The following RNF220 variants were observed in gnomAD, a reference collection of about 807,000 sequenced individuals.
The protein encoded by RNF220 is ring finger protein 220, also known as E3 ubiquitin-protein ligase RNF220.
RNF220 carries 7 observed loss-of-function variants against 67.1 expected under a neutral mutation model. The ratio of observed to expected loss-of-function variants is 0.10; its 90% CI spans 0.06 to 0.20. RNF220 has a LOEUF of 0.20. Ranked by LOEUF, RNF220 falls within the 10% of genes least tolerant of loss-of-function variation. The pLI is 1.00. For synonymous variants in RNF220, 270 were observed against 283.2 expected (o/e 0.95, Z 0.47); for missense variants, 565 against 740.3 (o/e 0.76, Z 2.75).
intron 9 of RNF220, 64 bp from the exon 10 acceptor site, chr1:44,644,923 ATGCTCTCC>A: frequency 1.3e-6 from 2 of 1,562,048 alleles, no homozygotes; most frequent in Non-Finnish European, 1.8e-6. Flanking sequence ...CAGGAGGGCC[ATGCTCTCC>A]TGAGGATTCA....
intron 2 of RNF220, among the ~76,000 whole-genome samples, chr1:44,413,261 A>G (rs1417289233): frequency 6.6e-6 from 1 of 152,158 alleles, no homozygotes; most frequent in Non-Finnish European, 1.5e-5. Context: ...CAATCACCAT[A>G]AAGCATTTCA....
At chr1:44,646,041 A>G (rs6698388) in intron 12 of RNF220, among the ~76,000 whole-genome samples, 1 of 152,204 alleles carries the variant, frequency 6.6e-6, no homozygotes, top group Non-Finnish European at 1.5e-5. Context: ...TCAGCTGGGC[A>G]TCTTCCTGCC....
chr1:44,534,375 C>A (rs2148200203), intron 2 of RNF220, among the ~76,000 whole-genome samples: 1 of 151,728 alleles, frequency 6.6e-6, no homozygotes, highest in South Asian at 2.1e-4. Context: ...GCACAGTGTG[C>A]AGGTTTGTTA....
intron 2 of RNF220, among the ~76,000 whole-genome samples, chr1:44,574,816 T>C (rs965887918): frequency 2.2e-5 from 3 of 136,412 alleles, no homozygotes; most frequent in African/African-American, 8.3e-5. Context: ...CCCTATGGGA[T>C]TGTTGCTTTT....
chr1:44,635,386 A>T (rs1041918534), intron 6 of RNF220, 159 bp from the exon 7 acceptor site: 1 of 1,156,332 alleles, frequency 8.6e-7, no homozygotes, highest in African/African-American at 1.6e-5. Flanking sequence ...CCCAGTCCCC[A>T]AAGGAGCAGG....
Position 44,600,180 on chromosome 1 carries a change from G to A in RNF220, c.626-13985G>A, listed in dbSNP as rs1231886394. On this transcript the variant is annotated intron_variant, in intron 2 of 14. Coordinates refer to ENST00000361799, the MANE Select transcript of RNF220 (RefSeq NM_018150.4). The surrounding 1 kb of genome is among the most constrained non-coding windows in gnomAD (Gnocchi z 4.0). Reference sequence around the variant, plus strand: ...TGAAACCAAAAGCAGGAGGAGGGCAGGTCTAGAGGAAGGTAAGTCCCATCT... The same window carrying A: ...TGAAACCAAAAGCAGGAGGAGGGCAAGTCTAGAGGAAGGTAAGTCCCATCT... 6.6e-6 allele frequency among the ~76,000 whole-genome samples: 1 copy of A among 152,178 alleles called. No homozygotes were observed. The highest frequency in any genetic ancestry group is 1.5e-5 in the Non-Finnish European group (1 of 68,034).
intron 2 of RNF220, among the ~76,000 whole-genome samples, chr1:44,434,923 A>C (rs928298068): frequency 4.6e-5 from 7 of 151,298 alleles, no homozygotes; most frequent in African/African-American, 1.7e-4. Flanking sequence ...GCTACTCAGG[A>C]GGCTGAGTGG....
At chr1:44,499,601 T>A (rs1048820435) in intron 2 of RNF220, among the ~76,000 whole-genome samples, 1 of 152,126 alleles carries the variant, frequency 6.6e-6, no homozygotes, top group Non-Finnish European at 1.5e-5. Context: ...TACCCTTGAC[T>A]TAGTCCTCAG....
chr1:44,580,854 G>A (rs946945197), intron 2 of RNF220, among the ~76,000 whole-genome samples: 1 of 152,244 alleles, frequency 6.6e-6, no homozygotes, highest in African/African-American at 2.4e-5. Context: ...AGCTTCTCCA[G>A]GAGACTGAGG....
At position 44,645,534 on chromosome 1, in the gene RNF220, G is replaced by C; in HGVS notation, c.1445+46G>C. Reference sequence around the variant, plus strand: ...GAGCCCTGGGACCACAGTTCAGTGGGAGGAGGGGCCCTTTGCTAGCAGGAA... The same window carrying C: ...GAGCCCTGGGACCACAGTTCAGTGGCAGGAGGGGCCCTTTGCTAGCAGGAA... On this transcript the variant is annotated intron_variant, in intron 12 of 14. Transcript: ENST00000361799. This position sits in a 1 kb window ranked among gnomAD's most constrained non-coding sequence, Gnocchi z 5.0. 2 of 1,585,856 alleles carry C rather than the reference G, an allele frequency of 1.3e-6. No homozygotes were observed. Among genetic ancestry groups the C allele is most frequent in the Non-Finnish European group, 1.7e-6 (2 of 1,157,716 alleles).
chr1:44,465,861 A>C (rs1215379184), intron 2 of RNF220, among the ~76,000 whole-genome samples: 1 of 152,218 alleles, frequency 6.6e-6, no homozygotes, highest in East Asian at 1.9e-4. Flanking sequence ...CTGAGCCTTC[A>C]GCAAATCATA....
At chr1:44,438,590 G>T (rs1200205885) in intron 2 of RNF220, among the ~76,000 whole-genome samples, 2 of 152,164 alleles carry the variant, frequency 1.3e-5, no homozygotes, top group Non-Finnish European at 2.9e-5. Context: ...GTAAGGTCTA[G>T]GCTCCCATTG....
intron 2 of RNF220, among the ~76,000 whole-genome samples, chr1:44,485,982 G>A (rs1347217939): frequency 6.6e-6 from 1 of 152,184 alleles, no homozygotes; most frequent in African/African-American, 2.4e-5. Flanking sequence ...TTGCCCCTCT[G>A]TAAAACCTGA....
At chr1:44,509,302 G>A (rs1164788575) in intron 2 of RNF220, among the ~76,000 whole-genome samples, 1 of 152,128 alleles carries the variant, frequency 6.6e-6, no homozygotes, top group East Asian at 1.9e-4. Context: ...TGTAATCCCA[G>A]CACTTTGGGA....
At chr1:44,598,381 G>C (rs1666684323) in intron 2 of RNF220, among the ~76,000 whole-genome samples, 1 of 152,218 alleles carries the variant, frequency 6.6e-6, no homozygotes, top group Non-Finnish European at 1.5e-5. Flanking sequence ...TGATTTAGGG[G>C]CTCAGGACGG....
In RNF220 at chr1:44,606,049, C is replaced by T. The variant is rs543810304; in HGVS notation, c.626-8116C>T. ...CCTCAACCAGGGATGCCTATTAATCCTGACAAATGATGACTTACGAACATG... is the reference window on the plus strand; with the variant it reads ...CCTCAACCAGGGATGCCTATTAATCTTGACAAATGATGACTTACGAACATG... On this transcript the variant is annotated intron_variant, in intron 2 of 14. Coordinates refer to ENST00000361799, the MANE Select transcript of RNF220 (RefSeq NM_018150.4). This position sits in a 1 kb window ranked among gnomAD's most constrained non-coding sequence, Gnocchi z 4.2. 2.0e-5 allele frequency among the ~76,000 whole-genome samples: 3 copies of T among 152,328 alleles called. No individual in the cohort carries two copies. The South Asian group carries it at 6.2e-4, about 32-fold the overall frequency.
At chr1:44,640,334 T>C (rs1465443299) in intron 8 of RNF220, among the ~76,000 whole-genome samples, 2 of 152,156 alleles carry the variant, frequency 1.3e-5, no homozygotes, top group East Asian at 3.8e-4. Context: ...CTGGAGGCGG[T>C]CTTGGAGTGG....
At chr1:44,585,869 T>C (rs1333944132) in intron 2 of RNF220, among the ~76,000 whole-genome samples, 1 of 152,170 alleles carries the variant, frequency 6.6e-6, no homozygotes, top group African/African-American at 2.4e-5. Flanking sequence ...GCAGGTGCTC[T>C]GGCTATGTTT....
At chr1:44,573,882 G>A (rs186876322) in intron 2 of RNF220, among the ~76,000 whole-genome samples, 1 of 152,334 alleles carries the variant, frequency 6.6e-6, no homozygotes, top group East Asian at 1.9e-4. Context: ...GGGAGCCCAA[G>A]GTGGGTGGAT....
Sources: allele counts gnomAD v4.1 joint callset (sites outside exome capture counted in the v4.1 genomes callset), GRCh38; gene constraint gnomAD v4.1.1; non-coding constraint Gnocchi (gnomAD v3.1); transcripts MANE v1.5; gene names NCBI Gene and HGNC (gene_info 2026-07-23, HGNC 2026-07-21).